DIAPH2: variants seen among roughly 807,000 people sequenced by gnomAD.
The protein encoded by DIAPH2 is protein diaphanous homolog 2.
A neutral mutation model predicts 92.7 loss-of-function variants in DIAPH2; 35 were observed. That is an observed-to-expected ratio of 0.38 (90% CI 0.29 to 0.50). The LOEUF is 0.50. Among genes scored for constraint, DIAPH2 ranks in the 20% least tolerant of loss-of-function variants. DIAPH2 has a pLI of 0.94. For synonymous variants in DIAPH2, 301 were observed against 280.4 expected (o/e 1.07, Z -0.73); for missense variants, 701 against 819.5 (o/e 0.86, Z 1.77).
In DIAPH2 at chrX:97,383,947, A is replaced by G; in HGVS notation, c.3048A>G (p.Glu1016=). The G allele has an allele frequency of 2.5e-6, 3 of 1,204,656 alleles. No homozygotes were observed. The highest frequency in any genetic ancestry group is 2.2e-6 in the Non-Finnish European group (2 of 891,806). The part of the protein sequence containing the change: ...VRENNKRREM[E]EKTRRAKLAK... ...AAAACAATAAGAGAAGAGAAATGGA[A>G]GAGAAGACCAGGAGGGCAAAACTTG... The change falls in exon 25 of 27, where the codon GAA becomes GAG. Residue 1016 remains glutamate, a synonymous_variant. Coordinates refer to ENST00000324765, the MANE Select transcript of DIAPH2 (RefSeq NM_006729.5).
intron 17 of DIAPH2, among the ~76,000 whole-genome samples, chrX:96,968,573 G>T (rs1464583417): frequency 1.8e-5 from 2 of 111,396 alleles, no homozygotes; most frequent in African/African-American, 6.5e-5. Context: ...CTTTTTAATG[G>T]GGTTATTTGT....
chrX:97,268,046 G>C (rs2068352502), intron 23 of DIAPH2, among the ~76,000 whole-genome samples: 1 of 111,937 alleles, frequency 8.9e-6, no homozygotes, highest in Admixed American at 9.5e-5. Context: ...GAACTATCTT[G>C]GCCTGAGAAA....
At chrX:96,890,108 A>T (rs941264526) in intron 5 of DIAPH2, among the ~76,000 whole-genome samples, 1 of 111,944 alleles carries the variant, frequency 8.9e-6, no homozygotes, top group Non-Finnish European at 1.9e-5. Context: ...CTGGCCACAG[A>T]GGTTTCTAGC....
chrX:97,418,785 G>A (rs1165168961), intron 25 of DIAPH2, among the ~76,000 whole-genome samples: 2 of 111,551 alleles, frequency 1.8e-5, no homozygotes, highest in African/African-American at 6.5e-5. Context: ...TTTCCCCTTG[G>A]CTTTTGAAAA....
chrX:96,979,436 T>C (rs980388682), intron 17 of DIAPH2, among the ~76,000 whole-genome samples: 4 of 112,194 alleles, frequency 3.6e-5, no homozygotes, highest in African/African-American at 9.7e-5. Context: ...CCCACTAAAA[T>C]GTACTTAGAC....
chrX:97,526,637 T>C (rs1239020363), intron 26 of DIAPH2, among the ~76,000 whole-genome samples: 3 of 111,383 alleles, frequency 2.7e-5, no homozygotes, highest in Admixed American at 9.5e-5. Context: ...ATAAGCCCAG[T>C]CACCTAAGTT....
chrX:96,984,404 C>T (rs959258992), intron 17 of DIAPH2, among the ~76,000 whole-genome samples: 4 of 109,754 alleles, frequency 3.6e-5, no homozygotes, highest in African/African-American at 6.6e-5. Context: ...ATTCTTAGGC[C>T]GTAAGTTTCC....
intron 26 of DIAPH2, among the ~76,000 whole-genome samples, chrX:97,582,845 C>T (rs1417038284): frequency 9.0e-6 from 1 of 110,896 alleles, no homozygotes; most frequent in East Asian, 2.8e-4. Flanking sequence ...TCACATAGTC[C>T]CATATTTCTT....
intron 5 of DIAPH2, among the ~76,000 whole-genome samples, chrX:96,909,356 A>C (rs992296027): frequency 9.1e-6 from 1 of 109,948 alleles, no homozygotes; most frequent in African/African-American, 3.3e-5. Flanking sequence ...AAATCAGTAT[A>C]CTCTATGTAT....
chrX:96,732,091 C>A (rs2064059051), intron 1 of DIAPH2, among the ~76,000 whole-genome samples: 1 of 111,019 alleles, frequency 9.0e-6, no homozygotes, highest in East Asian at 2.8e-4. Context: ...TGTTTACTTG[C>A]ATGTGGTGTG....
At chrX:97,303,122 C>A (rs1217204464) in intron 23 of DIAPH2, among the ~76,000 whole-genome samples, 1 of 112,521 alleles carries the variant, frequency 8.9e-6, no homozygotes, top group Non-Finnish European at 1.9e-5. Context: ...ATTTGCATTT[C>A]TTTTACTTTT....
chrX:97,506,283 G>A (rs2147832879), intron 26 of DIAPH2, among the ~76,000 whole-genome samples: 1 of 105,614 alleles, frequency 9.5e-6, no homozygotes, highest in African/African-American at 3.5e-5. Flanking sequence ...CAGGGTAGCT[G>A]AGACTACAGG....
At chrX:96,884,872 A>G (rs867176116) in intron 5 of DIAPH2, 5 of 1,210,888 alleles carry the variant, frequency 4.1e-6, no homozygotes, top group Non-Finnish European at 5.6e-6. Context: ...ATCAGAAGTG[A>G]ATGATGCTGG....
At chrX:96,852,835 C>T (rs775376570) in intron 4 of DIAPH2, among the ~76,000 whole-genome samples, 3 of 111,751 alleles carry the variant, frequency 2.7e-5, no homozygotes, top group Non-Finnish European at 5.6e-5. Flanking sequence ...GTCTTTTCTG[C>T]GACTACATCA....
chrX:97,190,719 C>T (rs1393396023), intron 22 of DIAPH2, among the ~76,000 whole-genome samples: 3 of 108,408 alleles, frequency 2.8e-5, no homozygotes, highest in Non-Finnish European at 3.8e-5. Context: ...TGGTGTCAGG[C>T]GCCTGTAATC....
At chrX:97,455,306 T>C (rs1019962383) in intron 26 of DIAPH2, among the ~76,000 whole-genome samples, 6 of 112,198 alleles carry the variant, frequency 5.3e-5, no homozygotes, top group Non-Finnish European at 1.1e-4. Context: ...CCATAGCTAT[T>C]TGTTGAGGCA....
At chrX:97,491,657 A>G (rs2070726460) in intron 26 of DIAPH2, among the ~76,000 whole-genome samples, 1 of 111,475 alleles carries the variant, frequency 9.0e-6, no homozygotes, top group South Asian at 3.8e-4. Flanking sequence ...GATCCACCCA[A>G]AGTGCTGGGA....
intron 5 of DIAPH2, among the ~76,000 whole-genome samples, chrX:96,888,130 G>A (rs1349844312): frequency 1.9e-5 from 2 of 108,083 alleles, no homozygotes. Context: ...TCACAATCTC[G>A]GCTCACTGCA....
chrX:97,095,104 T>C (rs369708806), intron 19 of DIAPH2, among the ~76,000 whole-genome samples: 1,604 of 37,018 alleles, frequency 0.043, 15 homozygotes, highest in African/African-American at 0.15. Flanking sequence ...TTTTCTTTTT[T>C]TTTTTTTTTT....
Sources: gnomAD v4.1 joint callset for allele counts (sites outside exome capture counted in the v4.1 genomes callset) on GRCh38, gnomAD v4.1.1 for gene constraint, MANE v1.5 for transcripts, NCBI Gene and HGNC (gene_info 2026-07-23, HGNC 2026-07-21) for gene names.